MAGI1: variants seen among roughly 807,000 people sequenced by gnomAD.
The protein encoded by MAGI1 is membrane associated guanylate kinase, WW and PDZ domain containing 1.
MAGI1 carries 58 observed loss-of-function variants against 139.9 expected under a neutral mutation model. The ratio of observed to expected loss-of-function variants is 0.41; its 90% confidence interval spans 0.34 to 0.52. MAGI1 has a LOEUF of 0.52. Among genes scored for constraint, MAGI1 ranks in the 20% least tolerant of loss-of-function variants. The pLI, the probability that MAGI1 is intolerant of heterozygous loss-of-function variation, is 0.12. For missense variants in MAGI1, 1,874 were observed against 1,901.6 expected (o/e 0.99, Z 0.27); for synonymous variants, 812 against 737.9 (o/e 1.10, Z -1.63).
intron 1 of MAGI1, among the ~76,000 whole-genome samples, chr3:65,867,368 G>C (rs1261627470): frequency 6.6e-6 from 1 of 152,142 alleles, no homozygotes; most frequent in Non-Finnish European, 1.5e-5. Flanking sequence ...ATCAACTGTA[G>C]AACAATTCCT....
chr3:65,713,777 G>C (rs958644446), intron 1 of MAGI1, among the ~76,000 whole-genome samples: 1 of 152,068 alleles, frequency 6.6e-6, no homozygotes, highest in Non-Finnish European at 1.5e-5. Flanking sequence ...GAAAACCCTG[G>C]GGTACAAAAC....
At chr3:65,865,859 C>T (rs533634596) in intron 1 of MAGI1, among the ~76,000 whole-genome samples, 12 of 152,074 alleles carry the variant, frequency 7.9e-5, no homozygotes, top group Non-Finnish European at 1.5e-4. Flanking sequence ...AGGCTGGTCT[C>T]GAACTCCTGA....
chr3:65,540,800 C>T lies in MAGI1; in HGVS notation c.431-47169G>A, dbSNP rs554218272. On this transcript the variant is annotated intron_variant, in intron 2 of 22. Coordinates refer to ENST00000402939, the MANE Select transcript of MAGI1 (RefSeq NM_001033057.2). ...CTGGTAAGTGCCTCTCTCCCTTCTT[C>T]CACATGGTGACTGCAAATGCAGCCA... Among the ~76,000 whole-genome samples, 6 of 152,262 alleles carry T rather than the reference C, an allele frequency of 3.9e-5. No individual in the cohort carries two copies. In the East Asian group the frequency reaches 1.2e-3, roughly 29 times the overall value.
At chr3:65,449,699 A>G (rs1663690623) in intron 6 of MAGI1, among the ~76,000 whole-genome samples, 1 of 152,056 alleles carries the variant, frequency 6.6e-6, no homozygotes, top group Non-Finnish European at 1.5e-5. Flanking sequence ...TCGCTTGAAC[A>G]GGGAGGCAAA....
intron 1 of MAGI1, among the ~76,000 whole-genome samples, chr3:65,920,021 A>C (rs970620307): frequency 2.0e-5 from 3 of 152,110 alleles, no homozygotes; most frequent in Admixed American, 6.5e-5. Flanking sequence ...ATTCACACAA[A>C]CTTCTCGCAA....
At chr3:65,591,474 C>T (rs2081961930) in intron 2 of MAGI1, among the ~76,000 whole-genome samples, 1 of 152,140 alleles carries the variant, frequency 6.6e-6, no homozygotes, top group African/African-American at 2.4e-5. Flanking sequence ...AGGATTATAA[C>T]AACTTCCTGT....
At chr3:65,810,700 G>T (rs2041171719) in intron 1 of MAGI1, among the ~76,000 whole-genome samples, 1 of 152,196 alleles carries the variant, frequency 6.6e-6, no homozygotes, top group South Asian at 2.1e-4. Context: ...TCTGCAATCA[G>T]CCAGCGAGGG....
At position 65,889,229 on chromosome 3, in the gene MAGI1, C is replaced by T. The variant is rs142021471; in HGVS notation, c.313+148767G>A. Among the ~76,000 whole-genome samples the T allele has an allele frequency of 4.7e-4, 71 of 152,194 alleles. No individual in the cohort carries two copies. In the East Asian group the frequency reaches 0.013, roughly 27 times the overall value. ...ATGTCCATGGGTCAGAGTGAGATGG[C>T]TGAATTAAATAAGCAAAGAAAGTAA... On this transcript the variant is annotated intron_variant, in intron 1 of 22. Coordinates refer to ENST00000402939, the MANE Select transcript of MAGI1 (RefSeq NM_001033057.2).
At chr3:65,383,670 G>A in intron 14 of MAGI1, 47 bp from the exon 15 acceptor site, 1 of 1,113,026 alleles carries the variant, frequency 9.0e-7, no homozygotes, top group South Asian at 1.2e-5. Flanking sequence ...ACTGATAAAA[G>A]CAATGATACC....
intron 1 of MAGI1, among the ~76,000 whole-genome samples, chr3:65,950,124 C>A (rs1576218647): frequency 8.4e-5 from 1 of 11,960 alleles, no homozygotes; most frequent in Non-Finnish European, 1.3e-4. Context: ...AGCAATATTA[C>A]TGTTTTTTTT....
intron 1 of MAGI1, among the ~76,000 whole-genome samples, chr3:65,769,656 G>A (rs2037784631): frequency 6.6e-6 from 1 of 152,122 alleles, no homozygotes; most frequent in Non-Finnish European, 1.5e-5. Flanking sequence ...ATACTTTATG[G>A]AGCACCATTC....
chr3:65,505,503 G>A (rs888800818), intron 2 of MAGI1, among the ~76,000 whole-genome samples: 5 of 151,836 alleles, frequency 3.3e-5, no homozygotes, highest in Non-Finnish European at 5.9e-5. Flanking sequence ...AAATTAGCCA[G>A]ATATAGTGGC....
At chr3:65,408,697 TG>T (rs1421242684) in intron 12 of MAGI1, among the ~76,000 whole-genome samples, 8 of 152,216 alleles carry the variant, frequency 5.3e-5, no homozygotes, top group African/African-American at 1.7e-4. Context: ...ATATAAGCCA[TG>T]AAATAAATTT....
At chr3:65,448,093 G>A in intron 6 of MAGI1, 36 bp from the exon 7 acceptor site, 9 of 1,608,212 alleles carry the variant, frequency 5.6e-6, no homozygotes, top group African/African-American at 1.3e-5. Flanking sequence ...AGACAGAAAA[G>A]AGAGAAAGCA....
chr3:65,552,717 G>A (rs957938791), intron 2 of MAGI1, among the ~76,000 whole-genome samples: 9 of 152,136 alleles, frequency 5.9e-5, no homozygotes, highest in Admixed American at 2.6e-4. Context: ...TACTTACTTC[G>A]GGAAGGGCCT....
chr3:66,025,919 G>A (rs1414032593), intron 1 of MAGI1, among the ~76,000 whole-genome samples: 1 of 151,956 alleles, frequency 6.6e-6, no homozygotes, highest in African/African-American at 2.4e-5. Context: ...GTGATTGATA[G>A]TCATATAAGG....
intron 2 of MAGI1, among the ~76,000 whole-genome samples, chr3:65,594,117 G>T (rs1377057216): frequency 2.0e-5 from 3 of 152,264 alleles, no homozygotes; most frequent in East Asian, 3.9e-4. Flanking sequence ...CGCCATGGAT[G>T]AAGAAATAAT....
chr3:65,534,800 GT>G (rs985731820), intron 2 of MAGI1, among the ~76,000 whole-genome samples: 2 of 152,168 alleles, frequency 1.3e-5, no homozygotes, highest in African/African-American at 4.8e-5. Flanking sequence ...TTCTTGTTCA[GT>G]TTTTTCATTC....
chr3:65,917,831 G>A (rs889050952), intron 1 of MAGI1, among the ~76,000 whole-genome samples: 1 of 152,190 alleles, frequency 6.6e-6, no homozygotes, highest in Admixed American at 6.5e-5. Context: ...AAACTAGTCT[G>A]TATATTATAA....
Sources: gnomAD v4.1 joint callset for allele counts (sites outside exome capture counted in the v4.1 genomes callset) on GRCh38, gnomAD v4.1.1 for gene constraint, MANE v1.5 for transcripts, NCBI Gene and HGNC (gene_info 2026-07-23, HGNC 2026-07-21) for gene names.